Variants in NHSL3 observed in about 807,000 individuals in gnomAD.
NHSL3 encodes NHS like 3.
chr1:32,743,835 G>A, the NHSL3 span, among the ~76,000 whole-genome samples: 3 of 152,134 alleles, frequency 2.0e-5, no homozygotes, highest in Non-Finnish European at 1.5e-5. Flanking sequence ...GCAGCATGTC[G>A]GCCTGATTTG....
chr1:32,770,978 G>C, the NHSL3 span: 1 of 1,610,754 alleles, frequency 6.2e-7, no homozygotes, highest in Non-Finnish European at 8.5e-7. The surrounding 1 kb of genome is among the most constrained non-coding windows in gnomAD (Gnocchi z 8.3). Context: ...GGCCTGGCAG[G>C]TCCCCCTGCT....
the NHSL3 span, chr1:32,772,077 T>C: frequency 6.2e-7 from 1 of 1,612,820 alleles, no homozygotes; most frequent in Admixed American, 1.7e-5. Context: ...CCCAGTCCCC[T>C]GCCTCAACGG....
At chr1:32,742,505 T>A in the NHSL3 span, among the ~76,000 whole-genome samples, 1 of 152,226 alleles carries the variant, frequency 6.6e-6, no homozygotes, top group South Asian at 2.1e-4. Context: ...TCACCGAGGT[T>A]CTGCCCTCTG....
the NHSL3 span, among the ~76,000 whole-genome samples, chr1:32,751,760 G>C: frequency 5.3e-5 from 8 of 152,214 alleles, no homozygotes; most frequent in South Asian, 1.7e-3. Context: ...TGAACGCCTG[G>C]AGTTGTGTGC....
the NHSL3 span, among the ~76,000 whole-genome samples, chr1:32,746,249 A>G: frequency 1.3e-5 from 2 of 151,718 alleles, no homozygotes; most frequent in Non-Finnish European, 2.9e-5. Flanking sequence ...AAAAAAAAAC[A>G]AAAAAGAACA....
chr1:32,765,760 G>T, the NHSL3 span: 6 of 1,547,442 alleles, frequency 3.9e-6, no homozygotes, highest in East Asian at 7.3e-5. Context: ...CTCGAGTGGC[G>T]CCCGCAGTCA....
the NHSL3 span, among the ~76,000 whole-genome samples, chr1:32,749,376 C>G: frequency 3.3e-5 from 5 of 152,162 alleles, no homozygotes; most frequent in African/African-American, 4.8e-5. Context: ...CAGCACAAGG[C>G]CTGGCTAAGT....
the NHSL3 span, among the ~76,000 whole-genome samples, chr1:32,747,088 AC>A: frequency 6.6e-6 from 1 of 151,628 alleles, no homozygotes; most frequent in Non-Finnish European, 1.5e-5. Flanking sequence ...TGTGGAGAGA[AC>A]CCTGAGTTTG....
At chr1:32,764,974 A>G in the NHSL3 span, among the ~76,000 whole-genome samples, 4 of 152,184 alleles carry the variant, frequency 2.6e-5, no homozygotes, top group Non-Finnish European at 5.9e-5. Context: ...CGTGGGGCCA[A>G]TGTGAAGAAT....
At chr1:32,758,887 T>G in the NHSL3 span, among the ~76,000 whole-genome samples, 3 of 152,108 alleles carry the variant, frequency 2.0e-5, no homozygotes, top group Non-Finnish European at 4.4e-5. Context: ...TGGAATTCCC[T>G]TCCTTCCCAA....
At chr1:32,770,882 G>A in the NHSL3 span, 9,388 of 1,608,968 alleles carry the variant, frequency 5.8e-3, 24 homozygotes, top group Middle Eastern at 9.8e-3. The surrounding 1 kb of genome is among the most constrained non-coding windows in gnomAD (Gnocchi z 8.3). Flanking sequence ...GGTGGTTCCC[G>A]GCGCCCCCCA....
the NHSL3 span, among the ~76,000 whole-genome samples, chr1:32,760,067 G>A: frequency 0.15 from 23,372 of 152,228 alleles, 2,078 homozygotes; most frequent in Middle Eastern, 0.25. Flanking sequence ...TAATGGTTGG[G>A]GAGCGGGGGC....
chr1:32,772,142 C>T, the NHSL3 span: 3 of 1,613,216 alleles, frequency 1.9e-6, no homozygotes, highest in African/African-American at 1.3e-5. Context: ...CGGCCCGTGT[C>T]CCCTGAGACC....
the NHSL3 span, chr1:32,742,084 A>C: frequency 1.6e-6 from 2 of 1,256,024 alleles, no homozygotes; most frequent in Non-Finnish European, 2.0e-6. Context: ...GCTGCGGGGC[A>C]AGCGGCGCAA....
At chr1:32,769,617 A>G in the NHSL3 span, 1 of 1,317,470 alleles carries the variant, frequency 7.6e-7, no homozygotes, top group Non-Finnish European at 1.1e-6. Flanking sequence ...AGTGCCCTGC[A>G]GAATGTGCCT....
chr1:32,742,760 CA>C, the NHSL3 span, among the ~76,000 whole-genome samples: 2 of 152,208 alleles, frequency 1.3e-5, no homozygotes, highest in Non-Finnish European at 1.5e-5. Context: ...TCACCTGGGC[CA>C]GGCCACAAAC....
the NHSL3 span, chr1:32,771,636 C>T: frequency 6.2e-7 from 1 of 1,612,994 alleles, no homozygotes; most frequent in Non-Finnish European, 8.5e-7. Flanking sequence ...CTGCTTCGTC[C>T]TCCTCAGCTA....
At chr1:32,754,183 AG>A in the NHSL3 span, 4 of 695,574 alleles carry the variant, frequency 5.8e-6, no homozygotes, top group Admixed American at 6.1e-5. Context: ...GCCGGCAGGT[AG>A]GGGCCGGGGT....
chr1:32,770,888 C>A, the NHSL3 span: 1 of 1,609,578 alleles, frequency 6.2e-7, no homozygotes, highest in Non-Finnish European at 8.5e-7. The surrounding 1 kb of genome is among the most constrained non-coding windows in gnomAD (Gnocchi z 8.3). Context: ...TCCCGGCGCC[C>A]CCCACGGTCC....
Sources: gnomAD v4.1 joint callset for allele counts (sites outside exome capture counted in the v4.1 genomes callset) on GRCh38, gnomAD v4.1.1 for gene constraint, Gnocchi (gnomAD v3.1) non-coding constraint, MANE v1.5 for transcripts, NCBI Gene and HGNC (gene_info 2026-07-23, HGNC 2026-07-21) for gene names.